Variants in MBNL2 observed in about 807,000 individuals in gnomAD.
MBNL2 encodes muscleblind-like protein 2.
In MBNL2, 17 loss-of-function variants were observed where a neutral mutation model predicts 41.9. The ratio of observed to expected loss-of-function variants is 0.41; its 90% CI spans 0.28 to 0.61. The LOEUF is 0.61. Among genes scored for constraint, MBNL2 ranks in the 20% least tolerant of loss-of-function variants. MBNL2 has a pLI of 0.35. For missense variants in MBNL2, 336 were observed against 505.6 expected, an observed-to-expected ratio of 0.66 and a Z score of 3.22; for synonymous variants, 195 against 182.9, an observed-to-expected ratio of 1.07 and a Z score of -0.53.
At chr13:97,243,086 C>T (rs911286933) in intron 1 of MBNL2, among the ~76,000 whole-genome samples, 2 of 152,218 alleles carry the variant, frequency 1.3e-5, no homozygotes, top group Non-Finnish European at 2.9e-5. Flanking sequence ...CCATATATCC[C>T]CCACTGCCCA....
At chr13:97,239,564 A>G (rs1339995408) in intron 1 of MBNL2, among the ~76,000 whole-genome samples, 1 of 152,216 alleles carries the variant, frequency 6.6e-6, no homozygotes, top group Middle Eastern at 3.2e-3. Flanking sequence ...ATGCATCTCT[A>G]TGAAGTTGTG....
intron 8 of MBNL2, among the ~76,000 whole-genome samples, chr13:97,375,929 GAT>G (rs1020223686): frequency 6.6e-6 from 1 of 152,142 alleles, no homozygotes; most frequent in African/African-American, 2.4e-5. Context: ...TGAAGAGGAG[GAT>G]ATGGTGGGGC....
At chr13:97,177,173 A>G in the MBNL2 span, among the ~76,000 whole-genome samples, 3 of 152,086 alleles carry the variant, frequency 2.0e-5, no homozygotes, top group African/African-American at 7.2e-5. Flanking sequence ...CCTCATCTCT[A>G]CTAAAAATCC....
chr13:97,195,896 A>G, the MBNL2 span, among the ~76,000 whole-genome samples: 5 of 152,200 alleles, frequency 3.3e-5, no homozygotes, highest in African/African-American at 9.6e-5. Flanking sequence ...GTATACATGT[A>G]CTACACTGGA....
At chr13:97,216,433 AG>A (rs1212262741), upstream of MBNL2, among the ~76,000 whole-genome samples, 1 of 152,226 alleles carries the variant, frequency 6.6e-6, no homozygotes, top group Non-Finnish European at 1.5e-5. Context: ...TACATACTAA[AG>A]GACAAAGAGG....
At chr13:97,153,602 AAAG>A in the MBNL2 span, among the ~76,000 whole-genome samples, 2 of 152,200 alleles carry the variant, frequency 1.3e-5, no homozygotes, top group Non-Finnish European at 2.9e-5. Context: ...TAAGAAATAA[AAAG>A]ACCATTTAGG....
chr13:97,308,483 G>T (rs544525297), intron 2 of MBNL2, among the ~76,000 whole-genome samples: 1 of 152,236 alleles, frequency 6.6e-6, no homozygotes, highest in South Asian at 2.1e-4. Flanking sequence ...ATTTTCTGTT[G>T]GAAGGGGAAA....
intron 1 of MBNL2, among the ~76,000 whole-genome samples, chr13:97,266,817 G>T (rs1048519796): frequency 1.3e-5 from 2 of 152,092 alleles, no homozygotes; most frequent in Admixed American, 1.3e-4. Context: ...TTTCTTTCTT[G>T]TAATTAGATT....
intron 8 of MBNL2, among the ~76,000 whole-genome samples, chr13:97,377,181 A>C (rs1340653098): frequency 6.6e-6 from 1 of 152,206 alleles, no homozygotes; most frequent in African/African-American, 2.4e-5. Context: ...CTCTCTAGCG[A>C]TGAGGAAACT....
At chr13:97,364,336 C>T (rs1225262060) in intron 7 of MBNL2, among the ~76,000 whole-genome samples, 1 of 152,218 alleles carries the variant, frequency 6.6e-6, no homozygotes, top group Non-Finnish European at 1.5e-5. Flanking sequence ...TTCCTTAGCC[C>T]TGGTCCTAAC....
chr13:97,207,194 A>T, the MBNL2 span, among the ~76,000 whole-genome samples: 1 of 152,236 alleles, frequency 6.6e-6, no homozygotes, highest in African/African-American at 2.4e-5. Flanking sequence ...CCAGCAATCA[A>T]TAAGAGTGAG....
the MBNL2 span, among the ~76,000 whole-genome samples, chr13:97,152,743 T>A: frequency 2.0e-5 from 3 of 152,158 alleles, no homozygotes; most frequent in Non-Finnish European, 4.4e-5. Flanking sequence ...GTTCAAAAAT[T>A]TTTCTTGCAC....
At chr13:97,388,651 C>T (rs1367209372) in intron 8 of MBNL2, among the ~76,000 whole-genome samples, 8 of 152,104 alleles carry the variant, frequency 5.3e-5, no homozygotes. Context: ...CTCCTAACAA[C>T]AGAAGTGCAA....
intron 2 of MBNL2, among the ~76,000 whole-genome samples, chr13:97,328,180 T>G (rs2060072879): frequency 6.6e-6 from 1 of 150,568 alleles, no homozygotes; most frequent in Non-Finnish European, 1.5e-5. Flanking sequence ...ACCCTTTTTT[T>G]TTTTTTTTTT....
chr13:97,219,633 C>T (rs148124529), upstream of MBNL2, among the ~76,000 whole-genome samples: 30 of 152,204 alleles, frequency 2.0e-4, no homozygotes, highest in East Asian at 4.6e-3. Flanking sequence ...CAAATCCCAT[C>T]GTGAAGACTC....
the MBNL2 span, among the ~76,000 whole-genome samples, chr13:97,196,133 C>T: frequency 6.6e-6 from 1 of 152,164 alleles, no homozygotes. Context: ...CTCTGCCCCT[C>T]TGGTATCCTC....
At chr13:97,291,943 CTGTAATCCCAGCACT>C (rs764145139) in intron 2 of MBNL2, among the ~76,000 whole-genome samples, 37 of 138,740 alleles carry the variant, frequency 2.7e-4, no homozygotes, top group Non-Finnish European at 4.4e-4. Context: ...TGGCTCACGC[CTGTAATCCCAGCACT>C]TCGGGAGGCC....
chr13:97,350,395 C>A (rs1275907460), intron 5 of MBNL2, among the ~76,000 whole-genome samples: 1 of 152,084 alleles, frequency 6.6e-6, no homozygotes, highest in Non-Finnish European at 1.5e-5. Flanking sequence ...GTGGTAATTT[C>A]TTAAAAATAC....
At chr13:97,389,993 A>G (rs2066271921) in intron 8 of MBNL2, among the ~76,000 whole-genome samples, 1 of 152,186 alleles carries the variant, frequency 6.6e-6, no homozygotes, top group Admixed American at 6.5e-5. Context: ...TTACATATAA[A>G]ATAATATCTT....
Sources: gnomAD v4.1 joint callset for allele counts (sites outside exome capture counted in the v4.1 genomes callset) on GRCh38, gnomAD v4.1.1 for gene constraint, MANE v1.5 for transcripts, NCBI Gene and HGNC (gene_info 2026-07-23, HGNC 2026-07-21) for gene names.